ADK: variants seen among roughly 807,000 people sequenced by gnomAD.
The protein encoded by ADK is N6,N6-dimethyladenosine kinase.
ADK carries 24 observed loss-of-function variants against 44.7 expected under a neutral mutation model. The ratio of observed to expected loss-of-function variants is 0.54; its 90% confidence interval spans 0.39 to 0.76. ADK has a LOEUF of 0.76. ADK is among the 30% of genes least tolerant of loss of function. The pLI is 0.00. For missense variants in ADK, 321 were observed against 425.1 expected (o/e 0.76, Z 2.15); for synonymous variants, 128 against 142.6 (o/e 0.90, Z 0.73).
At chr10:74,169,439 T>G (rs1159934158) in intron 1 of ADK, among the ~76,000 whole-genome samples, 3 of 152,164 alleles carry the variant, frequency 2.0e-5, no homozygotes, top group Non-Finnish European at 4.4e-5. Flanking sequence ...GGAGTTGCCT[T>G]TGAGAGTCAA....
intron 2 of ADK, among the ~76,000 whole-genome samples, chr10:74,202,803 C>T (rs1185120373): frequency 2.0e-5 from 3 of 151,938 alleles, no homozygotes; most frequent in Non-Finnish European, 4.4e-5. Context: ...TTAATTGGGT[C>T]GTTGTCTTTT....
At chr10:74,315,891 T>G (rs374772409) in intron 4 of ADK, among the ~76,000 whole-genome samples, 1 of 152,266 alleles carries the variant, frequency 6.6e-6, no homozygotes, top group South Asian at 2.1e-4. Flanking sequence ...TTTGTATTGT[T>G]TTTGGTAAAA....
chr10:74,358,938 C>G (rs936932005), intron 4 of ADK, among the ~76,000 whole-genome samples: 4 of 151,732 alleles, frequency 2.6e-5, no homozygotes, highest in African/African-American at 9.7e-5. Context: ...TGACTAAAAT[C>G]ATAGGTTTTT....
At chr10:74,466,661 T>C (rs138363889) in intron 6 of ADK, among the ~76,000 whole-genome samples, 23 of 152,278 alleles carry the variant, frequency 1.5e-4, no homozygotes, top group South Asian at 4.1e-4. Flanking sequence ...GAGATCAAAT[T>C]TATGTTGCTG....
intron 4 of ADK, among the ~76,000 whole-genome samples, chr10:74,377,527 A>G (rs1477936134): frequency 6.6e-6 from 1 of 152,218 alleles, no homozygotes; most frequent in African/African-American, 2.4e-5. Context: ...CAGACTCTAT[A>G]CATCAAAGGT....
intron 1 of ADK, among the ~76,000 whole-genome samples, chr10:74,189,024 G>T (rs2132111975): frequency 6.6e-6 from 1 of 152,052 alleles, no homozygotes; most frequent in Non-Finnish European, 1.5e-5. Flanking sequence ...GCCCACCTTG[G>T]CCCCCCAAAG....
chr10:74,156,139 A>G (rs1841744123), intron 1 of ADK, among the ~76,000 whole-genome samples: 1 of 152,188 alleles, frequency 6.6e-6, no homozygotes. Flanking sequence ...CTGGGTATCC[A>G]GGGACAAGCA....
At chr10:74,177,612 G>A (rs906107506) in intron 1 of ADK, among the ~76,000 whole-genome samples, 3 of 152,064 alleles carry the variant, frequency 2.0e-5, no homozygotes, top group East Asian at 1.9e-4. Context: ...TTTAATTTAC[G>A]CTAGTTCAAC....
intron 1 of ADK, among the ~76,000 whole-genome samples, chr10:74,178,337 A>G (rs1842422146): frequency 6.6e-6 from 1 of 152,204 alleles, no homozygotes; most frequent in Admixed American, 6.6e-5. Flanking sequence ...ACATGGAAGG[A>G]TTTCACAGTA....
intron 4 of ADK, among the ~76,000 whole-genome samples, chr10:74,361,811 G>T (rs1249248365): frequency 2.0e-5 from 3 of 152,134 alleles, no homozygotes; most frequent in Non-Finnish European, 4.4e-5. Context: ...CTTCAGTTTT[G>T]AAGGATAATT....
At chr10:74,388,355 T>C (rs527695489) in intron 4 of ADK, among the ~76,000 whole-genome samples, 16 of 152,338 alleles carry the variant, frequency 1.1e-4, no homozygotes, top group Admixed American at 2.0e-4. Flanking sequence ...TAGTTCCTTT[T>C]CCTTTAATAT....
chr10:74,480,421 T>TTTGG (rs1392781562), intron 6 of ADK, among the ~76,000 whole-genome samples: 1 of 151,776 alleles, frequency 6.6e-6, no homozygotes, highest in Non-Finnish European at 1.5e-5. Flanking sequence ...TGTTTATTTG[T>TTTGG]TTGGTTGGTT....
chr10:74,239,823 T>A (rs1392898273), intron 3 of ADK, among the ~76,000 whole-genome samples: 1 of 152,016 alleles, frequency 6.6e-6, no homozygotes, highest in Non-Finnish European at 1.5e-5. Flanking sequence ...TGTAAGGATG[T>A]TTAGTATATT....
At chr10:74,333,893 G>A (rs1475125460) in intron 4 of ADK, among the ~76,000 whole-genome samples, 1 of 151,724 alleles carries the variant, frequency 6.6e-6, no homozygotes, top group Non-Finnish European at 1.5e-5. Context: ...CAGGGTCCTG[G>A]GTATATTTTT....
intron 4 of ADK, among the ~76,000 whole-genome samples, chr10:74,346,379 G>T (rs1270224842): frequency 1.3e-5 from 2 of 152,112 alleles, no homozygotes; most frequent in Non-Finnish European, 2.9e-5. Flanking sequence ...ATGTAGGTAG[G>T]CCTCATCCTT....
At chr10:74,469,809 C>T (rs1215354431) in intron 6 of ADK, among the ~76,000 whole-genome samples, 1 of 152,152 alleles carries the variant, frequency 6.6e-6, no homozygotes, top group Non-Finnish European at 1.5e-5. Flanking sequence ...CATACAGCCC[C>T]AGGCAACCAC....
chr10:74,378,073 GA>G, intron 4 of ADK, among the ~76,000 whole-genome samples: 1 of 149,744 alleles, frequency 6.7e-6, no homozygotes. Flanking sequence ...TTTAATCTAT[GA>G]AATGGAGATC....
At chr10:74,672,051 G>A (rs773440387) in intron 10 of ADK, among the ~76,000 whole-genome samples, 6 of 152,186 alleles carry the variant, frequency 3.9e-5, no homozygotes, top group African/African-American at 7.2e-5. Flanking sequence ...TGGTTACAAC[G>A]ATAAATAAAC....
At chr10:74,642,543 C>G (rs1316348482) in intron 9 of ADK, among the ~76,000 whole-genome samples, 1 of 151,848 alleles carries the variant, frequency 6.6e-6, no homozygotes, top group Admixed American at 6.6e-5. Flanking sequence ...AGAACCCCTC[C>G]TCTAATGTAA....
Sources: gnomAD v4.1 joint callset for allele counts (sites outside exome capture counted in the v4.1 genomes callset) on GRCh38, gnomAD v4.1.1 for gene constraint, MANE v1.5 for transcripts, NCBI Gene and HGNC (gene_info 2026-07-23, HGNC 2026-07-21) for gene names.